The following DENND1A variants were observed in gnomAD, a reference collection of about 807,000 sequenced individuals.
DENND1A encodes DENN domain containing 1A.
In DENND1A, 51 loss-of-function variants were observed where a neutral mutation model predicts 113.7. That is an observed-to-expected ratio of 0.45 (90% CI 0.36 to 0.57). The LOEUF (loss-of-function observed/expected upper bound fraction) is 0.57, where lower values mean the gene tolerates loss of function less well. DENND1A is among the 20% of genes least tolerant of loss of function. The pLI, the probability that DENND1A is intolerant of heterozygous loss-of-function variation, is 0.00. For synonymous variants in DENND1A, 565 were observed against 570.8 expected (o/e 0.99, Z 0.14); for missense variants, 1,258 against 1,395.9 (o/e 0.90, Z 1.57).
chr9:123,639,032 T>C lies in DENND1A; in HGVS notation c.619-8556A>G, dbSNP rs1246835399. Among the ~76,000 whole-genome samples the C allele has an allele frequency of 4.3e-5, 3 of 69,150 alleles. No individual in the cohort carries two copies. The South Asian group carries it at 1.2e-3, about 27-fold the overall frequency. 45.4% of individuals were successfully genotyped at this position (69,150 alleles called of 152,430 possible). A position where few individuals can be genotyped will look rare whatever the true frequency, so the allele number is the denominator to read the frequency against. On this transcript the variant is annotated intron_variant, in intron 9 of 23. Transcript: ENST00000394215. ...CAGGTGGTGAGTTACTAAATTTGCA[T>C]GAGTAGTAAAAAAAAAAAAAAAAAA... is the stretch of plus-strand genomic sequence containing the variant.
chr9:123,552,023 G>GAGAGAGAGAC (rs2057096824), intron 13 of DENND1A, among the ~76,000 whole-genome samples: 1 of 141,092 alleles, frequency 7.1e-6, no homozygotes, highest in Non-Finnish European at 1.5e-5. Context: ...GAGAGCGAGA[G>GAGAGAGAGAC]AGAGAGAGAG....
At chr9:123,729,839 CACTACCTG>C (rs1436232984) in intron 5 of DENND1A, among the ~76,000 whole-genome samples, 1 of 152,184 alleles carries the variant, frequency 6.6e-6, no homozygotes, top group Non-Finnish European at 1.5e-5. Context: ...GGAGGGATCG[CACTACCTG>C]ACTTCAAACT....
At chr9:123,607,773 AG>A (rs889204671) in intron 11 of DENND1A, among the ~76,000 whole-genome samples, 4 of 151,332 alleles carry the variant, frequency 2.6e-5, no homozygotes, top group Admixed American at 2.6e-4. Context: ...GAGGGCACAT[AG>A]AAAAGAAGAG....
chr9:123,843,417 T>C (rs569623084), intron 2 of DENND1A: 42 of 304,528 alleles, frequency 1.4e-4, no homozygotes, highest in African/African-American at 9.4e-4. Context: ...TTATGTTTGT[T>C]AGAACCAAAT....
rs60761810 is a variant in DENND1A at position 123,728,479 on chromosome 9, C to CAAAAAAAAAAAAAAAAAAAAAAAAAAA, written c.302+29197_302+29223dup. ...GCAACAATTGCAAAACTCTGTCTCC[C>CAAAAAAAAAAAAAAAAAAAAAAAAAAA]AAAAAAAAAAAAAAAAAAAAAAAAA... On this transcript the variant is annotated intron_variant, in intron 5 of 23. Transcript: ENST00000394215. Among the ~76,000 whole-genome samples the CAAAAAAAAAAAAAAAAAAAAAAAAAAA allele has an allele frequency of 6.7e-4, 17 of 25,194 alleles. 4 individuals are homozygous for CAAAAAAAAAAAAAAAAAAAAAAAAAAA. Among genetic ancestry groups the CAAAAAAAAAAAAAAAAAAAAAAAAAAA allele is most frequent in the Admixed American group, 1.5e-3 (2 of 1,362 alleles). 16.5% of individuals were successfully genotyped at this position (25,194 alleles called of 152,430 possible). A position where few individuals can be genotyped will look rare whatever the true frequency, so the allele number is the denominator to read the frequency against.
At chr9:123,728,409 A>T (rs2067871727) in intron 5 of DENND1A, among the ~76,000 whole-genome samples, 1 of 141,334 alleles carries the variant, frequency 7.1e-6, no homozygotes, top group African/African-American at 2.6e-5. Flanking sequence ...CCCAGGAGGC[A>T]GAGGTTACAG....
intron 10 of DENND1A, among the ~76,000 whole-genome samples, chr9:123,610,939 T>C (rs896015793): frequency 6.6e-6 from 1 of 152,224 alleles, no homozygotes. Flanking sequence ...AGGACACAAT[T>C]CCCTCATTAC....
intron 10 of DENND1A, among the ~76,000 whole-genome samples, chr9:123,612,096 G>A (rs1226531278): frequency 6.6e-6 from 1 of 152,162 alleles, no homozygotes; most frequent in Non-Finnish European, 1.5e-5. Flanking sequence ...TCCATGTTTT[G>A]TATGAATGCA....
At chr9:123,418,497 G>C (rs11794115) in intron 19 of DENND1A, among the ~76,000 whole-genome samples, 4 of 152,238 alleles carry the variant, frequency 2.6e-5, no homozygotes, top group African/African-American at 9.6e-5. Context: ...CGTTGGAATA[G>C]CAACTTAATT....
At chr9:123,558,927 G>A (rs1002285602) in intron 12 of DENND1A, among the ~76,000 whole-genome samples, 1 of 152,144 alleles carries the variant, frequency 6.6e-6, no homozygotes, top group African/African-American at 2.4e-5. Flanking sequence ...ACCACACGTG[G>A]GTCTTGCCCT....
chr9:123,771,104 C>T (rs1829656770), intron 3 of DENND1A, among the ~76,000 whole-genome samples: 1 of 152,104 alleles, frequency 6.6e-6, no homozygotes, highest in Non-Finnish European at 1.5e-5. Flanking sequence ...TGGATGAGAA[C>T]ACCTCAGCAT....
intron 7 of DENND1A, among the ~76,000 whole-genome samples, chr9:123,669,712 T>C (rs2063669401): frequency 6.6e-6 from 1 of 152,224 alleles, no homozygotes; most frequent in Non-Finnish European, 1.5e-5. Context: ...CAGGGTTGCT[T>C]AGCTATACAG....
chr9:123,625,902 G>C (rs916591324), intron 10 of DENND1A, among the ~76,000 whole-genome samples: 3 of 152,098 alleles, frequency 2.0e-5, no homozygotes, highest in Non-Finnish European at 4.4e-5. Flanking sequence ...TCTTCCAGGG[G>C]GAACCGTGCG....
chr9:123,843,227 A>C (rs1842080746), intron 2 of DENND1A: 1 of 521,470 alleles, frequency 1.9e-6, no homozygotes, highest in African/African-American at 2.0e-5. Context: ...TAGTGAAACC[A>C]AATGCATCCC....
Position 123,675,043 on chromosome 9 carries a change from A to G in DENND1A, c.372+1677T>C, listed in dbSNP as rs78696353. Among the ~76,000 whole-genome samples the G allele has an allele frequency of 3.3e-5, 5 of 152,324 alleles. No individual in the cohort carries two copies. The East Asian group carries it at 7.7e-4, about 23-fold the overall frequency. ...CAGACCCAAGGTGACCTCCTAACTC[A>G]TTCATCAAAGAGTAATCCACTTCTT... On this transcript the variant is annotated intron_variant, in intron 6 of 23. Coordinates refer to ENST00000394215, the MANE Select transcript of DENND1A (RefSeq NM_001352964.2).
intron 3 of DENND1A, among the ~76,000 whole-genome samples, chr9:123,787,169 C>CA (rs5900587): frequency 0.46 from 70,058 of 151,438 alleles, 20,776 homozygotes; most frequent in African/African-American, 0.85. Context: ...AATAATGATG[C>CA]AAAAAAAATC....
At chr9:123,886,598 C>T (rs977794509) in intron 1 of DENND1A, among the ~76,000 whole-genome samples, 7 of 152,208 alleles carry the variant, frequency 4.6e-5, no homozygotes, top group African/African-American at 1.7e-4. Context: ...CACTAGCAAA[C>T]ACCACCTAAT....
At chr9:123,707,694 C>G (rs1277032905) in intron 5 of DENND1A, among the ~76,000 whole-genome samples, 1 of 152,052 alleles carries the variant, frequency 6.6e-6, no homozygotes, top group Non-Finnish European at 1.5e-5. Flanking sequence ...GGAGTGGAAG[C>G]CTGATTGGAA....
At chr9:123,807,522 A>G (rs1835799060) in intron 2 of DENND1A, among the ~76,000 whole-genome samples, 1 of 152,210 alleles carries the variant, frequency 6.6e-6, no homozygotes, top group Non-Finnish European at 1.5e-5. Flanking sequence ...CAGTAAGTAA[A>G]ATAAGCCACT....
Sources: allele counts gnomAD v4.1 joint callset (sites outside exome capture counted in the v4.1 genomes callset), GRCh38; gene constraint gnomAD v4.1.1; transcripts MANE v1.5; gene names NCBI Gene and HGNC (gene_info 2026-07-23, HGNC 2026-07-21).